Variants in WWOX observed in about 807,000 individuals in gnomAD.
WWOX encodes the protein WW domain containing oxidoreductase.
Under a neutral mutation model 46.2 loss-of-function variants are expected in WWOX, and 69 were observed. The ratio of observed to expected loss-of-function variants is 1.49; its 90% CI spans 1.23 to 1.82. The LOEUF (loss-of-function observed/expected upper bound fraction) is 1.82. WWOX is among the 40% of genes most tolerant of loss of function. WWOX has a pLI of 0.00. For synonymous variants in WWOX, 359 were observed against 202.6 expected (o/e 1.77, Z -6.56); for missense variants, 919 against 542.6 (o/e 1.69, Z -6.89).
intron 8 of WWOX, among the ~76,000 whole-genome samples, chr16:78,838,803 C>A (rs888631849): frequency 6.6e-6 from 1 of 151,974 alleles, no homozygotes; most frequent in South Asian, 2.1e-4. Context: ...AGATCGTGCC[C>A]CTGTACTCCA....
intron 5 of WWOX, among the ~76,000 whole-genome samples, chr16:78,349,382 C>T (rs2081148098): frequency 8.3e-6 from 1 of 121,020 alleles, no homozygotes; most frequent in Non-Finnish European, 2.0e-5. Context: ...GAAACAGAAT[C>T]CAGCTAACAA....
At chr16:78,769,980 G>A (rs2050025099) in intron 8 of WWOX, among the ~76,000 whole-genome samples, 1 of 152,134 alleles carries the variant, frequency 6.6e-6, no homozygotes, top group African/African-American at 2.4e-5. Flanking sequence ...AGAGGTTGAG[G>A]CTGCTGTGAG....
chr16:78,974,087 A>G (rs754086926), intron 8 of WWOX, among the ~76,000 whole-genome samples: 1 of 152,228 alleles, frequency 6.6e-6, no homozygotes, highest in Non-Finnish European at 1.5e-5. Flanking sequence ...CTTGCATTCA[A>G]AAAGTGTAAA....
At chr16:78,959,151 G>A (rs1409039914) in intron 8 of WWOX, among the ~76,000 whole-genome samples, 1 of 152,186 alleles carries the variant, frequency 6.6e-6, no homozygotes, top group Non-Finnish European at 1.5e-5. Context: ...TTTCCTTGTA[G>A]AGTATGAAAG....
intron 4 of WWOX, among the ~76,000 whole-genome samples, chr16:78,125,755 A>G (rs190656537): frequency 1.3e-5 from 2 of 152,174 alleles, no homozygotes; most frequent in African/African-American, 4.8e-5. Flanking sequence ...CTTTGGTATT[A>G]TGATTGTAAA....
intron 8 of WWOX, among the ~76,000 whole-genome samples, chr16:78,676,729 T>C (rs1392011141): frequency 6.6e-6 from 1 of 152,220 alleles, no homozygotes; most frequent in East Asian, 1.9e-4. Context: ...GTTCTCATCA[T>C]TTATACTCGT....
intron 8 of WWOX, among the ~76,000 whole-genome samples, chr16:78,596,786 T>G (rs1242406814): frequency 6.9e-6 from 1 of 143,958 alleles, no homozygotes; most frequent in Non-Finnish European, 1.5e-5. Context: ...GAAAATAAAA[T>G]GATATAAATC....
At chr16:78,655,257 G>A (rs1170385487) in intron 8 of WWOX, among the ~76,000 whole-genome samples, 3 of 152,148 alleles carry the variant, frequency 2.0e-5, no homozygotes, top group Non-Finnish European at 2.9e-5. Flanking sequence ...TCAGGGTGGT[G>A]GGGCGTGGGC....
At chr16:79,024,520 G>T (rs547861886) in intron 8 of WWOX, among the ~76,000 whole-genome samples, 1 of 152,028 alleles carries the variant, frequency 6.6e-6, no homozygotes, top group Non-Finnish European at 1.5e-5. Context: ...TGCAAGCTCC[G>T]CCTCCCAGGT....
At chr16:78,100,047 G>C in intron 1 of WWOX, 162 bp downstream of exon 1, 4 of 1,419,740 alleles carry the variant, frequency 2.8e-6, no homozygotes, top group South Asian at 1.5e-5. Flanking sequence ...TTCCCAGTAG[G>C]GGCCGGCCCC....
intron 8 of WWOX, among the ~76,000 whole-genome samples, chr16:78,633,116 G>T (rs555894392): frequency 4.7e-4 from 71 of 152,164 alleles, no homozygotes; most frequent in African/African-American, 1.7e-3. Flanking sequence ...TAAAAAATTA[G>T]CCGGGTGTGG....
chr16:78,450,006 T>A (rs1284789318), intron 8 of WWOX, among the ~76,000 whole-genome samples: 1 of 151,728 alleles, frequency 6.6e-6, no homozygotes, highest in Admixed American at 6.6e-5. Context: ...TGTTTTGTTA[T>A]GATTTTTTTT....
At chr16:78,876,863 C>G (rs185633497) in intron 8 of WWOX, among the ~76,000 whole-genome samples, 3 of 152,130 alleles carry the variant, frequency 2.0e-5, no homozygotes, top group African/African-American at 7.2e-5. Flanking sequence ...AACGCTCTTT[C>G]TAGTTTGGGG....
chr16:78,603,064 C>T (rs1008972005), intron 8 of WWOX, among the ~76,000 whole-genome samples: 1 of 152,224 alleles, frequency 6.6e-6, no homozygotes, highest in African/African-American at 2.4e-5. Flanking sequence ...AGGTGGAGTA[C>T]TAACTGCAAT....
chr16:78,969,591 G>C (rs375204066), intron 8 of WWOX, among the ~76,000 whole-genome samples: 1 of 152,162 alleles, frequency 6.6e-6, no homozygotes. Context: ...AACTAGAACA[G>C]TTCCTCTCTT....
chr16:78,772,370 T>C (rs2050085587), intron 8 of WWOX, among the ~76,000 whole-genome samples: 1 of 152,224 alleles, frequency 6.6e-6, no homozygotes, highest in African/African-American at 2.4e-5. Context: ...GAAGACATGA[T>C]CGCATTCTTT....
At chr16:78,603,246 C>G (rs1209706392) in intron 8 of WWOX, among the ~76,000 whole-genome samples, 1 of 152,162 alleles carries the variant, frequency 6.6e-6, no homozygotes. Flanking sequence ...GCATTGGATG[C>G]TCATAGTTTA....
At chr16:79,082,759 C>T (rs1026752987) in intron 8 of WWOX, among the ~76,000 whole-genome samples, 6 of 152,030 alleles carry the variant, frequency 3.9e-5, no homozygotes, top group Admixed American at 2.0e-4. Flanking sequence ...TGAGAAGGGA[C>T]GTGTAGGGAA....
At chr16:79,027,717 C>G (rs2047674131) in intron 8 of WWOX, among the ~76,000 whole-genome samples, 1 of 151,812 alleles carries the variant, frequency 6.6e-6, no homozygotes, top group Non-Finnish European at 1.5e-5. Flanking sequence ...CAAGTAATGA[C>G]TCATCCTTTT....
Sources: allele counts gnomAD v4.1 joint callset (sites outside exome capture counted in the v4.1 genomes callset), GRCh38; gene constraint gnomAD v4.1.1; transcripts MANE v1.5; gene names NCBI Gene and HGNC (gene_info 2026-07-23, HGNC 2026-07-21).